Variants in MYO5B observed in about 807,000 individuals in gnomAD.
MYO5B encodes the protein myosin VB, also known as unconventional myosin-Vb.
In MYO5B, 143 loss-of-function variants were observed where a neutral mutation model predicts 229.3. The ratio of observed to expected loss-of-function variants is 0.62; its 90% CI spans 0.54 to 0.72. The LOEUF is 0.72. Ranked by LOEUF, MYO5B falls within the 30% of genes least tolerant of loss-of-function variation. The pLI is 0.00. For missense variants in MYO5B, 2,321 were observed against 2,331.0 expected, an observed-to-expected ratio of 1.00 and a Z score of 0.09; for synonymous variants, 918 against 885.2, an observed-to-expected ratio of 1.04 and a Z score of -0.66.
At chr18:50,062,669 G>T (rs907816152) in intron 1 of MYO5B, among the ~76,000 whole-genome samples, 2 of 152,198 alleles carry the variant, frequency 1.3e-5, no homozygotes, top group Non-Finnish European at 2.9e-5. Flanking sequence ...TACAGGTACC[G>T]CTGTCTGAAG....
chr18:49,896,937 T>C (rs1278862438), intron 21 of MYO5B, among the ~76,000 whole-genome samples: 2 of 152,184 alleles, frequency 1.3e-5, no homozygotes, highest in African/African-American at 2.4e-5. Flanking sequence ...AATATAATAG[T>C]AACTCCTGCC....
chr18:49,912,412 T>C (rs1598877608), intron 17 of MYO5B, among the ~76,000 whole-genome samples: 1 of 152,148 alleles, frequency 6.6e-6, no homozygotes, highest in Non-Finnish European at 1.5e-5. Context: ...GTTTTGAAGG[T>C]ACTTCTTAGA....
intron 21 of MYO5B, among the ~76,000 whole-genome samples, chr18:49,895,971 G>A (rs1331859391): frequency 2.6e-5 from 4 of 152,158 alleles, no homozygotes; most frequent in Non-Finnish European, 4.4e-5. Flanking sequence ...GAAGAAATAG[G>A]GCTCTCCAAA....
intron 1 of MYO5B, among the ~76,000 whole-genome samples, chr18:50,082,208 G>T (rs2031235934): frequency 6.6e-6 from 1 of 152,114 alleles, no homozygotes; most frequent in South Asian, 2.1e-4. Context: ...CAGGAGGCAG[G>T]CAAAGTGCCA....
chr18:50,055,225 G>GGCCCCCCCCCCCCCC, intron 2 of MYO5B, 43 bp downstream of exon 2: 21 of 700,356 alleles, frequency 3.0e-5, no homozygotes, highest in East Asian at 1.1e-4. Context: ...TGAGCTCCCT[G>GGCCCCCCCCCCCCCC]CCCCACCTCA....
At chr18:49,880,589 T>C in intron 22 of MYO5B, 134 bp from the exon 23 acceptor site, 1 of 772,134 alleles carries the variant, frequency 1.3e-6, no homozygotes, top group South Asian at 1.4e-5. Context: ...AAGCTTCTTT[T>C]GTTTTCAAGG....
chr18:50,096,343 C>T (rs2031549949), intron 1 of MYO5B, among the ~76,000 whole-genome samples: 1 of 152,118 alleles, frequency 6.6e-6, no homozygotes, highest in Admixed American at 6.6e-5. Context: ...CCAAATTCCC[C>T]CCTTTCCCCC....
intron 1 of MYO5B, among the ~76,000 whole-genome samples, chr18:50,074,981 G>A (rs2031045074): frequency 6.6e-6 from 1 of 152,078 alleles, no homozygotes; most frequent in Non-Finnish European, 1.5e-5. Flanking sequence ...CCATCACCCT[G>A]TAGAGACAGG....
Position 50,001,406 on chromosome 18 carries a change from T to C in MYO5B, c.461A>G (p.Glu154Gly). The C allele has an allele frequency of 6.2e-7, 1 of 1,614,124 alleles. No individual in the cohort carries two copies. The highest frequency in any genetic ancestry group is 8.5e-7 in the Non-Finnish European group (1 of 1,179,986). The change falls in exon 5 of 40, where the codon GAG (glutamate) becomes GGG (glycine). Residue 154 changes from glutamate to glycine, a missense_variant. By Grantham distance (98) the Glu-to-Gly change is moderately conservative (BLOSUM62 -2). This residue lies in a region of MYO5B where 2,113 missense variants were observed against 2,044.7 expected (regional missense o/e 1.03). Transcript: ENST00000285039. ...ACTGACTATGATGGACTGATTCTTC[T>C]CATCTCTGGAAGGAAAAAAGCTCTG... ...EEAYKQMARD[E>G]KNQSIIVSGE...
chr18:50,042,840 G>A (rs950792575), intron 2 of MYO5B, among the ~76,000 whole-genome samples: 7 of 152,160 alleles, frequency 4.6e-5, no homozygotes, highest in Non-Finnish European at 4.4e-5. Flanking sequence ...CAGAGCTCAT[G>A]TCTTTCAGAT....
chr18:50,089,394 AG>A (rs2031398912), intron 1 of MYO5B, among the ~76,000 whole-genome samples: 1 of 152,084 alleles, frequency 6.6e-6, no homozygotes, highest in African/African-American at 2.4e-5. Context: ...GGAAAAAAAA[AG>A]TTATAGGAAC....
Position 49,872,198 on chromosome 18 carries a change from G to A in MYO5B, c.3572C>T (p.Pro1191Leu), listed in dbSNP as rs373211672. The A allele has an allele frequency of 2.1e-4, 343 of 1,614,016 alleles. 3 individuals are homozygous for A. In the South Asian group the frequency reaches 2.4e-3, roughly 11 times the overall value. The change falls in exon 27 of 40, where the codon CCG (proline) becomes CTG (leucine). Residue 1191 changes from proline to leucine, a missense_variant. Pro to Leu is a moderately conservative substitution (Grantham distance 98). Around this residue, in one of 2 missense-constraint regions of MYO5B, gnomAD observed 2,113 missense variants for 2,044.7 expected, o/e 1.03. Coordinates refer to ENST00000285039, the MANE Select transcript of MYO5B (RefSeq NM_001080467.3). ...EPPQTDIDLD[P>L]NADLAYNSLK... ...ACTATTGTAGGCCAGATCTGCATTCGGGTCCAAATCTATGTCAGTCTGTGG... is the reference window on the plus strand; with the variant it reads ...ACTATTGTAGGCCAGATCTGCATTCAGGTCCAAATCTATGTCAGTCTGTGG...
At chr18:50,086,299 C>T (rs1324773535) in intron 1 of MYO5B, among the ~76,000 whole-genome samples, 2 of 152,080 alleles carry the variant, frequency 1.3e-5, no homozygotes, top group African/African-American at 4.8e-5. Flanking sequence ...GAGTGATTCC[C>T]TCATATCTAT....
At chr18:50,110,310 T>C (rs565105101) in intron 1 of MYO5B, among the ~76,000 whole-genome samples, 1 of 152,268 alleles carries the variant, frequency 6.6e-6, no homozygotes, top group Admixed American at 6.5e-5. Context: ...AAATACTTTA[T>C]CCTGCTTATC....
At chr18:50,092,650 G>A (rs1023161616) in intron 1 of MYO5B, among the ~76,000 whole-genome samples, 1 of 152,090 alleles carries the variant, frequency 6.6e-6, no homozygotes, top group African/African-American at 2.4e-5. Context: ...ATAACTTTCA[G>A]GCTTTTCAAC....
intron 1 of MYO5B, among the ~76,000 whole-genome samples, chr18:50,110,628 A>G (rs1478242774): frequency 6.6e-6 from 1 of 152,168 alleles, no homozygotes; most frequent in African/African-American, 2.4e-5. Context: ...TGTCACTGAA[A>G]CTCACCAATC....
intron 1 of MYO5B, among the ~76,000 whole-genome samples, chr18:50,160,653 G>A (rs1031893675): frequency 2.0e-5 from 3 of 152,070 alleles, no homozygotes; most frequent in Admixed American, 6.5e-5. Flanking sequence ...GGCTTGGGGG[G>A]CCACTCTGGG....
At chr18:50,014,407 TATTTC>T (rs1400070035) in intron 4 of MYO5B, among the ~76,000 whole-genome samples, 1 of 152,148 alleles carries the variant, frequency 6.6e-6, no homozygotes, top group Admixed American at 6.5e-5. Flanking sequence ...TCAGGCAAGT[TATTTC>T]ATTTCTGTAA....
At chr18:50,193,938 G>GC (rs2033262831) in intron 1 of MYO5B, among the ~76,000 whole-genome samples, 1 of 152,174 alleles carries the variant, frequency 6.6e-6, no homozygotes, top group Non-Finnish European at 1.5e-5. Flanking sequence ...CTCCGCCCGG[G>GC]CTGCACCTGT....
Sources: allele counts gnomAD v4.1 joint callset (sites outside exome capture counted in the v4.1 genomes callset), GRCh38; gene constraint gnomAD v4.1.1; regional missense constraint gnomAD v4.1.1; transcripts MANE v1.5; gene names NCBI Gene and HGNC (gene_info 2026-07-23, HGNC 2026-07-21).